The following BDP1 variants were observed in gnomAD, a reference collection of about 807,000 sequenced individuals.
BDP1 encodes BDP1 general transcription factor IIIB subunit.
BDP1 carries 169 observed loss-of-function variants against 266.6 expected under a neutral mutation model. That is an observed-to-expected ratio of 0.63 (90% CI 0.56 to 0.72). The LOEUF (loss-of-function observed/expected upper bound fraction) is 0.72, where lower values mean the gene tolerates loss of function less well. Ranked by LOEUF, BDP1 falls within the 30% of genes least tolerant of loss-of-function variation. BDP1 has a pLI of 0.00. For missense variants in BDP1, 3,015 were observed against 3,053.8 expected (o/e 0.99, Z 0.30); for synonymous variants, 1,090 against 1,022.4 (o/e 1.07, Z -1.26).
At chr5:71,541,798 A>G in intron 29 of BDP1, 116 bp downstream of exon 29, 4 of 670,102 alleles carry the variant, frequency 6.0e-6, no homozygotes, top group Non-Finnish European at 9.6e-6. Context: ...CCCTTTAAAG[A>G]TAGACTGATT....
intron 8 of BDP1, among the ~76,000 whole-genome samples, chr5:71,486,281 G>C (rs1345849538): frequency 6.6e-6 from 1 of 152,064 alleles, no homozygotes; most frequent in Non-Finnish European, 1.5e-5. Context: ...TTTCGTTGCT[G>C]AGTGGTGTTC....
chr5:71,536,623 C>T (rs139224474), intron 26 of BDP1, among the ~76,000 whole-genome samples: 3,576 of 152,172 alleles, frequency 0.023, 70 homozygotes, highest in South Asian at 0.074. Context: ...CATGGTAGTT[C>T]AAGGCCAGCC....
chr5:71,536,984 C>T (rs1342681882), intron 26 of BDP1, among the ~76,000 whole-genome samples: 2 of 151,656 alleles, frequency 1.3e-5, no homozygotes, highest in East Asian at 1.9e-4. Flanking sequence ...AAAAATCAGC[C>T]GGGCATGGTG....
At chr5:71,509,162 C>T (rs1764751462) in intron 16 of BDP1, among the ~76,000 whole-genome samples, 1 of 152,026 alleles carries the variant, frequency 6.6e-6, no homozygotes, top group African/African-American at 2.4e-5. Flanking sequence ...GAGAGTCTTT[C>T]CCAGTCAGTA....
In BDP1 at chr5:71,567,564, A is replaced by AG. The variant is rs1311581950; in HGVS notation, c.*2679_*2680insG. On this transcript the variant is annotated 3_prime_UTR_variant, in exon 39 of 39. Transcript: ENST00000358731. ...TATCTTTTCTTGACTTTTTCTCCTGAACACTTATGTCTTAGCAAGTGGTCA... is the reference window on the plus strand; with the variant it reads ...TATCTTTTCTTGACTTTTTCTCCTGAGACACTTATGTCTTAGCAAGTGGTCA... The AG allele has an allele frequency of 6.6e-6, 1 of 152,640 alleles. No homozygotes were observed. 9.5% of individuals were successfully genotyped at this position (152,640 alleles called of 1,614,324 possible).
In BDP1 at chr5:71,460,602, T is replaced by A. The variant is rs139047608; in HGVS notation, c.490-1215T>A. Among the ~76,000 whole-genome samples, 410 of 152,312 alleles carry A rather than the reference T, an allele frequency of 2.7e-3. 3 individuals carry two copies. Among genetic ancestry groups the A allele is most frequent in the African/African-American group, 9.5e-3 (393 of 41,572 alleles). On this transcript the variant is annotated intron_variant, in intron 2 of 38. Coordinates refer to ENST00000358731, the MANE Select transcript of BDP1 (RefSeq NM_018429.3). ...AGAAAACAAGCTTTCAATTTATGTC[T>A]TCTAAAATGTAAGCCTCACAACAAT... is the stretch of plus-strand genomic sequence containing the variant.
intron 4 of BDP1, 145 bp downstream of exon 4, chr5:71,464,262 A>G: frequency 3.6e-6 from 2 of 557,620 alleles, no homozygotes; most frequent in African/African-American, 3.9e-5. Flanking sequence ...TTGCGAAGCC[A>G]AGATGGGAGG....
rs1219078967 is a variant in BDP1, at chr5:71,516,207, G to T, written c.4796G>T (p.Gly1599Val). 6.2e-7 allele frequency: 1 copy of T among 1,613,328 alleles called. No individual in the cohort carries two copies. Among genetic ancestry groups the T allele is most frequent in the African/African-American group, 1.3e-5 (1 of 74,848 alleles). ...RQIVDKGEAK[G>V]IIKEGRTILP... ...ATAGTAGACAAAGGTGAAGCCAAAG[G>T]CATAATTAAGGAAGGAAGAACGATA... The change falls in exon 21 of 39, where the codon GGC (glycine) becomes GTC (valine). Residue 1599 changes from glycine (G) to valine (V), a missense_variant. Gly to Val is a moderately radical substitution (Grantham distance 109, BLOSUM62 -3). This residue lies in a region of BDP1 where 2,383 missense variants were observed against 2,404.9 expected (regional missense o/e 0.99). Transcript: ENST00000358731.
chr5:71,546,634 A>C (rs910800683), intron 32 of BDP1, among the ~76,000 whole-genome samples: 2 of 151,102 alleles, frequency 1.3e-5, no homozygotes, highest in Non-Finnish European at 3.0e-5. Context: ...AAAAAAAAAA[A>C]AAAAAAAAAA....
rs777263615 is a variant in BDP1 at position 71,509,922 on chromosome 5, C to G, written c.2830C>G (p.Pro944Ala). The G allele has an allele frequency of 2.3e-5, 37 of 1,613,564 alleles. No homozygotes were observed. Among genetic ancestry groups the G allele is most frequent in the Non-Finnish European group, 3.0e-5 (35 of 1,179,968 alleles). ...AGAAATATCCCCACAGAAAAATGGC[C>G]CAGAGGAGGTTAAGCCTCTAGGTGA... Reference protein sequence around the residue: ...RREISPQKNGPEEVKPLGEVE... With the variant: ...RREISPQKNGAEEVKPLGEVE... The change falls in exon 17 of 39, where the codon CCA becomes GCA. Residue 944 changes from proline (P) to alanine (A), a missense_variant. Transcript: ENST00000358731.
intron 6 of BDP1, among the ~76,000 whole-genome samples, chr5:71,468,607 CT>C (rs11376926): frequency 6.6e-4 from 89 of 134,770 alleles, no homozygotes; most frequent in Middle Eastern, 4.0e-3. Flanking sequence ...ACAATATTTC[CT>C]TTTTTTTTTT....
At chr5:71,521,763 T>C (rs940747695) in intron 22 of BDP1, among the ~76,000 whole-genome samples, 1 of 152,230 alleles carries the variant, frequency 6.6e-6, no homozygotes, top group Non-Finnish European at 1.5e-5. Context: ...GAGAACCTTA[T>C]GACATTGGTT....
At chr5:71,502,504 T>C (rs1408264507) in intron 14 of BDP1, 95 bp from the exon 15 acceptor site, 2 of 1,127,988 alleles carry the variant, frequency 1.8e-6, no homozygotes, top group Non-Finnish European at 2.5e-6. Flanking sequence ...ACTTGTGAAT[T>C]ATTTCATATT....
At chr5:71,487,124 A>G (rs1262648794) in intron 9 of BDP1, among the ~76,000 whole-genome samples, 1 of 152,196 alleles carries the variant, frequency 6.6e-6, no homozygotes, top group Non-Finnish European at 1.5e-5. Flanking sequence ...TAACTATTTG[A>G]ACTCTGGTCT....
rs769098375 is a variant in BDP1 at position 71,545,038 on chromosome 5, G to A, written c.6564-1G>A. 2 of 1,611,812 alleles carry A rather than the reference G, an allele frequency of 1.2e-6. No homozygotes were observed. Among genetic ancestry groups the A allele is most frequent in the Admixed American group, 1.7e-5 (1 of 59,460 alleles). ...GACATGCATGCTAAACTCTCTTTCA[G>A]AAACGAAAATCAAGAAGAGAGCTCT... On this transcript the variant is annotated splice_acceptor_variant, in intron 31 of 38. Coordinates refer to ENST00000358731, the MANE Select transcript of BDP1 (RefSeq NM_018429.3). LOFTEE classifies it high-confidence loss of function.
At chr5:71,554,897 C>T (rs372562133) in intron 35 of BDP1, among the ~76,000 whole-genome samples, 1 of 152,082 alleles carries the variant, frequency 6.6e-6, no homozygotes, top group South Asian at 2.1e-4. Flanking sequence ...TTATACTTAA[C>T]AGTTCCACAT....
intron 38 of BDP1, 70 bp from the exon 39 acceptor site, chr5:71,564,684 A>G: frequency 7.5e-7 from 1 of 1,337,344 alleles, no homozygotes; most frequent in Non-Finnish European, 1.0e-6. Context: ...ACTGCTATAT[A>G]TACACACACA....
chr5:71,512,305 AAG>A lies in BDP1; in HGVS notation c.4126_4127del (p.Glu1376SerfsTer16), dbSNP rs551127646. 1.3e-6 allele frequency: 2 copies of A among 1,593,850 alleles called. No individual in the cohort carries two copies. Among genetic ancestry groups the A allele is most frequent in the Admixed American group, 3.7e-5 (2 of 53,742 alleles). Reference sequence around the variant, plus strand: ...GTAGAAGAAAAAAGAAATTCTGAAAAAGAAGTATCAAGTCACTTCAGTCATTT... The same window carrying A: ...GTAGAAGAAAAAAGAAATTCTGAAAAAAGTATCAAGTCACTTCAGTCATTT... On this transcript the variant is annotated frameshift_variant, in exon 18 of 39. Transcript: ENST00000358731. LOFTEE classifies it high-confidence loss of function.
chr5:71,543,484 C>G (rs1013501897), intron 30 of BDP1, among the ~76,000 whole-genome samples: 1 of 152,096 alleles, frequency 6.6e-6, no homozygotes. Flanking sequence ...CCTGTGGTCC[C>G]AGCTACTCAG....
Sources: gnomAD v4.1 joint callset for allele counts (sites outside exome capture counted in the v4.1 genomes callset) on GRCh38, gnomAD v4.1.1 for gene constraint, gnomAD v4.1.1 regional missense constraint, MANE v1.5 for transcripts, NCBI Gene and HGNC (gene_info 2026-07-23, HGNC 2026-07-21) for gene names.